CHRNA7: variants seen among roughly 807,000 people sequenced by gnomAD.
The protein encoded by CHRNA7 is neuronal acetylcholine receptor subunit alpha-7.
In CHRNA7, 17 loss-of-function variants were observed where a neutral mutation model predicts 48.0. The observed-to-expected ratio is 0.35, with a 90% CI of 0.24 to 0.53. The LOEUF is 0.53. Among genes scored for constraint, CHRNA7 ranks in the 20% least tolerant of loss-of-function variants. The probability of loss-of-function intolerance (pLI) is 0.92; values close to 1 mark genes in which losing one functional copy is unlikely to be tolerated. For missense variants in CHRNA7, 155 were observed against 577.7 expected, an observed-to-expected ratio of 0.27 and a Z score of 7.50; for synonymous variants, 75 against 242.3, an observed-to-expected ratio of 0.31 and a Z score of 6.41.
At chr15:32,096,517 A>G (rs1595441105) in intron 2 of CHRNA7, among the ~76,000 whole-genome samples, 1 of 152,186 alleles carries the variant, frequency 6.6e-6, no homozygotes, top group African/African-American at 2.4e-5. Flanking sequence ...TAAACTTTAG[A>G]CTGCTACACA....
intron 4 of CHRNA7, among the ~76,000 whole-genome samples, chr15:32,147,461 G>C (rs1055999319): frequency 6.6e-6 from 1 of 152,212 alleles, no homozygotes; most frequent in Non-Finnish European, 1.5e-5. Flanking sequence ...GCTGAGGAAG[G>C]CGGATGGCTT....
intron 2 of CHRNA7, among the ~76,000 whole-genome samples, chr15:32,080,220 C>T (rs1039841657): frequency 6.6e-5 from 10 of 152,150 alleles, no homozygotes; most frequent in Non-Finnish European, 1.5e-4. Context: ...TAGGCACTAT[C>T]ATTCAGGACG....
intron 4 of CHRNA7, among the ~76,000 whole-genome samples, chr15:32,150,269 T>C (rs1295661085): frequency 1.3e-5 from 2 of 152,072 alleles, no homozygotes; most frequent in African/African-American, 2.4e-5. Context: ...TGTTGCCCAG[T>C]CTGGTCTCAA....
At position 32,170,273 on chromosome 15, in the gene CHRNA7, G is replaced by GT. The variant is rs1331960150; in HGVS notation, c.*1816dup. On this transcript the variant is annotated 3_prime_UTR_variant, in exon 10 of 10. Transcript: ENST00000306901. Reference sequence around the variant, plus strand: ...GCGTGTGTGCGGTGTGTGTGTGTGTGTAAGTGTGAGGTACCTTGTGTGTGA... The same window carrying GT: ...GCGTGTGTGCGGTGTGTGTGTGTGTGTTAAGTGTGAGGTACCTTGTGTGTGA... 1 of 121,744 alleles carries GT rather than the reference G, an allele frequency of 8.2e-6. No individual in the cohort carries two copies. Among genetic ancestry groups the GT allele is most frequent in the African/African-American group, 3.3e-5 (1 of 30,608 alleles). The allele number at this position is 121,744 out of a possible 1,614,324, so 7.5% of individuals were successfully genotyped here.
chr15:32,050,208 G>C (rs1159995668), intron 2 of CHRNA7, among the ~76,000 whole-genome samples: 1 of 152,144 alleles, frequency 6.6e-6, no homozygotes, highest in Non-Finnish European at 1.5e-5. Flanking sequence ...GCTAGATTGG[G>C]GAAGTTCTCA....
chr15:32,133,731 A>T (rs956335795), intron 4 of CHRNA7, among the ~76,000 whole-genome samples: 1 of 152,190 alleles, frequency 6.6e-6, no homozygotes, highest in African/African-American at 2.4e-5. Flanking sequence ...TGCTGGTTTG[A>T]TATGTCCAGC....
rs1902071230 is a variant in CHRNA7 at position 32,036,101 on chromosome 15, C to T, written c.195+5064C>T. The stretch of plus-strand genomic sequence containing the variant: ...TCTCCCTGCTTATCACTACCTTCAC[C>T]ACAGCTCTTGGCAGCCGCTGACCTT... On this transcript the variant is annotated intron_variant, in intron 2 of 9. Transcript: ENST00000306901. Among the ~76,000 whole-genome samples, 3 of 152,190 alleles carry T rather than the reference C, an allele frequency of 2.0e-5. No homozygotes were observed. The South Asian group carries it at 6.2e-4, about 32-fold the overall frequency.
intron 9 of CHRNA7, chr15:32,166,604 T>C (rs1315823070): frequency 4.0e-5 from 6 of 151,802 alleles, no homozygotes; most frequent in Non-Finnish European, 7.4e-5. Flanking sequence ...ATTTATTTCC[T>C]AAAGATAGGA....
chr15:32,142,515 C>CTGGCAGAAT (rs1398167947), intron 4 of CHRNA7, among the ~76,000 whole-genome samples: 32 of 152,148 alleles, frequency 2.1e-4, no homozygotes, highest in African/African-American at 7.5e-4. Context: ...CTCTGTACCT[C>CTGGCAGAAT]TGGCAGAATT....
At chr15:32,057,121 C>T (rs913081792) in intron 2 of CHRNA7, among the ~76,000 whole-genome samples, 1 of 152,172 alleles carries the variant, frequency 6.6e-6, no homozygotes, top group Non-Finnish European at 1.5e-5. Context: ...TCATGGTTAG[C>T]TGAAACTCTG....
At position 32,069,749 on chromosome 15, in the gene CHRNA7, C is replaced by A. The variant is rs565158323; in HGVS notation, c.196-31554C>A. On this transcript the variant is annotated intron_variant, in intron 2 of 9. Transcript: ENST00000306901. ...ATGGCTCATTTTTTAAGTATAAATGCTTGTGTCCAAACCTTCTTATATCTT... is the reference window on the plus strand; with the variant it reads ...ATGGCTCATTTTTTAAGTATAAATGATTGTGTCCAAACCTTCTTATATCTT... Among the ~76,000 whole-genome samples the A allele has an allele frequency of 3.4e-3, 511 of 152,164 alleles. 1 individual carries two copies. The highest frequency in any genetic ancestry group is 5.6e-3 in the Non-Finnish European group (381 of 67,998).
chr15:32,076,018 T>C (rs2050131483), intron 2 of CHRNA7, among the ~76,000 whole-genome samples: 1 of 152,336 alleles, frequency 6.6e-6, no homozygotes, highest in South Asian at 2.1e-4. Flanking sequence ...CTTCCATTGT[T>C]AATTTGATTC....
At chr15:32,109,754 ACTATGGTGAGTCTG>A (rs1015942170) in intron 3 of CHRNA7, among the ~76,000 whole-genome samples, 2 of 152,286 alleles carry the variant, frequency 1.3e-5, no homozygotes, top group African/African-American at 2.4e-5. Flanking sequence ...ACCCCCCCGA[ACTATGGTGAGTCTG>A]CTATGGTGAG....
intron 2 of CHRNA7, among the ~76,000 whole-genome samples, chr15:32,040,261 A>T (rs1464341704): frequency 6.6e-6 from 1 of 151,962 alleles, no homozygotes; most frequent in Non-Finnish European, 1.5e-5. Flanking sequence ...ATATAGTTGG[A>T]TCAATAACTA....
intron 4 of CHRNA7, among the ~76,000 whole-genome samples, chr15:32,131,706 G>C (rs925511602): frequency 6.6e-6 from 1 of 152,012 alleles, no homozygotes; most frequent in Non-Finnish European, 1.5e-5. Context: ...TAAAGTTGAG[G>C]TTTTTTTCTT....
intron 2 of CHRNA7, among the ~76,000 whole-genome samples, chr15:32,060,846 C>A (rs541587278): frequency 6.6e-6 from 1 of 152,126 alleles, no homozygotes; most frequent in African/African-American, 2.4e-5. Context: ...GGCGGGAGGG[C>A]GTGTCTTCAC....
intron 2 of CHRNA7, 175 bp from the exon 3 acceptor site, chr15:32,101,128 T>C (rs930815041): frequency 4.5e-5 from 27 of 598,434 alleles, no homozygotes; most frequent in Non-Finnish European, 6.2e-5. Context: ...TTGGAATAAA[T>C]AGAAAAGCTT....
intron 2 of CHRNA7, among the ~76,000 whole-genome samples, chr15:32,069,996 A>G (rs1211727600): frequency 2.0e-5 from 3 of 152,164 alleles, no homozygotes; most frequent in Non-Finnish European, 2.9e-5. Flanking sequence ...ATTTATCTCA[A>G]TTGATGAAGC....
intron 5 of CHRNA7, chr15:32,155,920 A>C (rs2051729155): frequency 1.2e-5 from 1 of 85,902 alleles, no homozygotes; most frequent in East Asian, 2.8e-4. Context: ...CAAGCTTTGA[A>C]ATAGAGACTT....
Sources: gnomAD v4.1 joint callset for allele counts (sites outside exome capture counted in the v4.1 genomes callset) on GRCh38, gnomAD v4.1.1 for gene constraint, MANE v1.5 for transcripts, NCBI Gene and HGNC (gene_info 2026-07-23, HGNC 2026-07-21) for gene names.